EPHA5: variants seen among roughly 807,000 people sequenced by gnomAD.
The protein encoded by EPHA5 is EPH receptor A5.
EPHA5 carries 60 observed loss-of-function variants against 105.0 expected under a neutral mutation model. That is an observed-to-expected ratio of 0.57 (90% CI 0.46 to 0.71). The LOEUF is 0.71. Ranked by LOEUF, EPHA5 falls within the 30% of genes least tolerant of loss-of-function variation. The pLI is 0.00. For missense variants in EPHA5, 1,218 were observed against 1,274.7 expected (o/e 0.96, Z 0.68); for synonymous variants, 513 against 449.1 (o/e 1.14, Z -1.80).
At chr4:65,400,160 C>A (rs986171424) in intron 8 of EPHA5, among the ~76,000 whole-genome samples, 13 of 152,054 alleles carry the variant, frequency 8.5e-5, no homozygotes, top group African/African-American at 3.1e-4. Context: ...TAAACATTTA[C>A]AAATCTGTAA....
intron 16 of EPHA5, 117 bp from the exon 17 acceptor site, chr4:65,324,336 T>C: frequency 1.6e-6 from 1 of 634,864 alleles, no homozygotes. Context: ...AGTCCTAATT[T>C]AGACATACAG....
chr4:65,500,793 C>A (rs995036521), intron 3 of EPHA5, among the ~76,000 whole-genome samples: 8 of 141,410 alleles, frequency 5.7e-5, no homozygotes, highest in Admixed American at 4.5e-4. Flanking sequence ...CTTTCCATTA[C>A]AATTAAAATA....
In EPHA5 at chr4:65,367,370, A is replaced by T; in HGVS notation, c.1848T>A (p.Phe616Leu). ...KQDPEEEKMHFHNGHIKLPGV... is the reference protein window; with the variant it reads ...KQDPEEEKMHLHNGHIKLPGV... ...CAATTTGCTTACTGTGCCCATTATG[A>T]AAATGCATCTTTTCCTCTTCTGGAT... The change falls in exon 9 of 17, where the codon TTT becomes TTA. Residue 616 changes from phenylalanine (F) to leucine (L), a missense_variant. Transcript: ENST00000613740. 1 of 1,611,654 alleles carries T rather than the reference A, an allele frequency of 6.2e-7. No individual in the cohort carries two copies. The highest frequency in any genetic ancestry group is 8.5e-7 in the Non-Finnish European group (1 of 1,179,128).
At chr4:65,355,319 T>C (rs1425322059) in intron 11 of EPHA5, among the ~76,000 whole-genome samples, 1 of 151,730 alleles carries the variant, frequency 6.6e-6, no homozygotes, top group African/African-American at 2.4e-5. Flanking sequence ...ATTTAGGTTG[T>C]ATTTGTAAAT....
At chr4:65,367,453 C>T (rs1367534296) in intron 8 of EPHA5, 29 bp from the exon 9 acceptor site, 1 of 1,605,178 alleles carries the variant, frequency 6.2e-7, no homozygotes, top group Non-Finnish European at 8.5e-7. Flanking sequence ...GAATTAGCCA[C>T]ATCTGAAAGT....
chr4:65,339,558 A>C (rs2148821067), intron 14 of EPHA5, among the ~76,000 whole-genome samples: 1 of 152,284 alleles, frequency 6.6e-6, no homozygotes, highest in African/African-American at 2.4e-5. Context: ...GGTCACAAAA[A>C]CATAACTAAA....
At chr4:65,350,904 G>A (rs956194776) in intron 13 of EPHA5, among the ~76,000 whole-genome samples, 2 of 151,886 alleles carry the variant, frequency 1.3e-5, no homozygotes, top group African/African-American at 2.4e-5. Flanking sequence ...TTAAAAGGTG[G>A]GAGCTAGATA....
chr4:65,591,601 T>TTTA (rs1742663002), intron 3 of EPHA5, among the ~76,000 whole-genome samples: 2 of 150,192 alleles, frequency 1.3e-5, no homozygotes, highest in Non-Finnish European at 2.9e-5. Context: ...TAATTTTAAT[T>TTTA]TTATTTTTTT....
At chr4:65,433,624 G>C (rs890107832) in intron 5 of EPHA5, among the ~76,000 whole-genome samples, 10 of 152,128 alleles carry the variant, frequency 6.6e-5, no homozygotes, top group Non-Finnish European at 1.5e-4. Flanking sequence ...TTATCTTACG[G>C]TTCTAGAGGT....
chr4:65,443,785 C>T (rs1182825034), intron 5 of EPHA5, among the ~76,000 whole-genome samples: 1 of 152,140 alleles, frequency 6.6e-6, no homozygotes, highest in Non-Finnish European at 1.5e-5. Context: ...TGACAGAAAA[C>T]CATTGGGCAA....
chr4:65,405,289 T>C (rs1437660212), intron 7 of EPHA5, among the ~76,000 whole-genome samples: 1 of 151,794 alleles, frequency 6.6e-6, no homozygotes, highest in Non-Finnish European at 1.5e-5. Context: ...AAACGCCTTA[T>C]AGGGCAAAAT....
intron 3 of EPHA5, among the ~76,000 whole-genome samples, chr4:65,518,417 TCA>T (rs150740850): frequency 4.0e-5 from 6 of 149,914 alleles, no homozygotes; most frequent in Non-Finnish European, 7.5e-5. Context: ...GTACTTATAT[TCA>T]CACACACACA....
At chr4:65,527,441 A>G (rs935944555) in intron 3 of EPHA5, among the ~76,000 whole-genome samples, 1 of 152,154 alleles carries the variant, frequency 6.6e-6, no homozygotes, top group Non-Finnish European at 1.5e-5. Flanking sequence ...GAGCAAATAC[A>G]TGGAGTACAA....
intron 8 of EPHA5, among the ~76,000 whole-genome samples, chr4:65,389,181 T>C (rs546079120): frequency 6.6e-6 from 1 of 152,158 alleles, no homozygotes; most frequent in South Asian, 2.1e-4. Context: ...ATCAGAATAC[T>C]TGTGCAAGCT....
intron 8 of EPHA5, among the ~76,000 whole-genome samples, chr4:65,390,666 T>C (rs574606337): frequency 2.6e-5 from 4 of 152,104 alleles, no homozygotes; most frequent in African/African-American, 9.6e-5. Flanking sequence ...GATAATATGT[T>C]ATTTAAAACA....
intron 2 of EPHA5, among the ~76,000 whole-genome samples, chr4:65,608,357 A>G (rs1348624964): frequency 6.6e-6 from 1 of 151,970 alleles, no homozygotes; most frequent in Non-Finnish European, 1.5e-5. Context: ...ACAAAAAATT[A>G]GCCGGGCGTG....
At position 65,566,795 on chromosome 4, in the gene EPHA5, A is replaced by T. The variant is rs1350810328; in HGVS notation, c.910+34846T>A. 4.6e-5 allele frequency among the ~76,000 whole-genome samples: 7 copies of T among 151,794 alleles called. No homozygotes were observed. In the East Asian group the frequency reaches 1.4e-3, roughly 29 times the overall value. On this transcript the variant is annotated intron_variant, in intron 3 of 16. Coordinates refer to ENST00000613740, the MANE Select transcript of EPHA5 (RefSeq NM_001281766.3). ...ATTATTACATTTTTTTCTCCCCCAA[A>T]CTGTAACATCACTAAAGGTCATCCA... is the stretch of plus-strand genomic sequence containing the variant.
chr4:65,487,776 G>A (rs909288910), intron 5 of EPHA5, among the ~76,000 whole-genome samples: 1 of 152,108 alleles, frequency 6.6e-6, no homozygotes, highest in African/African-American at 2.4e-5. Context: ...TGACAGAGCT[G>A]ATTTGAGTAA....
chr4:65,383,730 G>C (rs1719812684), intron 8 of EPHA5, among the ~76,000 whole-genome samples: 1 of 151,718 alleles, frequency 6.6e-6, no homozygotes, highest in African/African-American at 2.4e-5. Flanking sequence ...TTATAAATCA[G>C]TGACTCAGAC....
Sources: allele counts gnomAD v4.1 joint callset (sites outside exome capture counted in the v4.1 genomes callset), GRCh38; gene constraint gnomAD v4.1.1; transcripts MANE v1.5; gene names NCBI Gene and HGNC (gene_info 2026-07-23, HGNC 2026-07-21).